PDE11A: variants seen among roughly 807,000 people sequenced by gnomAD.
PDE11A encodes phosphodiesterase 11A.
Under a neutral mutation model 100.5 loss-of-function variants are expected in PDE11A, and 100 were observed. The ratio of observed to expected loss-of-function variants is 1.00; its 90% CI spans 0.85 to 1.18. The LOEUF is 1.18. PDE11A is among the 50% of genes most tolerant of loss of function. The pLI is 0.00. For synonymous variants in PDE11A, 381 were observed against 420.8 expected (o/e 0.91, Z 1.16); for missense variants, 1,141 against 1,152.6 (o/e 0.99, Z 0.15).
rs185253662 is a variant in PDE11A at position 177,815,211 on chromosome 2, T to A, written c.1737+1618A>T. On this transcript the variant is annotated intron_variant, in intron 9 of 19. Transcript: ENST00000286063. Reference sequence around the variant, plus strand: ...CCTGTCCTTTGCTATTTCTCCCCAATCCATGGTGATTTCTCAGTAATAAAT... The same window carrying A: ...CCTGTCCTTTGCTATTTCTCCCCAAACCATGGTGATTTCTCAGTAATAAAT... Among the ~76,000 whole-genome samples the A allele has an allele frequency of 2.0e-5, 3 of 152,292 alleles. No individual in the cohort carries two copies. In the East Asian group the frequency reaches 5.8e-4, roughly 29 times the overall value.
chr2:177,902,675 G>A (rs1399378383), intron 3 of PDE11A, among the ~76,000 whole-genome samples: 4 of 152,094 alleles, frequency 2.6e-5, no homozygotes, highest in African/African-American at 9.7e-5. Flanking sequence ...TTTATATGCT[G>A]CTGGTTCCCA....
chr2:177,831,842 A>G (rs2083313648), intron 6 of PDE11A, among the ~76,000 whole-genome samples: 1 of 152,214 alleles, frequency 6.6e-6, no homozygotes. Flanking sequence ...GGGATTGTAA[A>G]TGTAGTCATC....
At chr2:178,003,659 G>T (rs1453052550) in intron 2 of PDE11A, among the ~76,000 whole-genome samples, 6 of 152,070 alleles carry the variant, frequency 3.9e-5, no homozygotes, top group African/African-American at 1.4e-4. Flanking sequence ...GTGTGGTGAT[G>T]GTTTACACAA....
chr2:177,851,223 C>A (rs1038480871), intron 5 of PDE11A, among the ~76,000 whole-genome samples: 12 of 152,190 alleles, frequency 7.9e-5, no homozygotes, highest in South Asian at 4.2e-4. Context: ...AGGATGAGTT[C>A]ATGTCCTTTG....
chr2:178,027,710 T>A (rs2086495115), intron 1 of PDE11A, among the ~76,000 whole-genome samples: 1 of 152,086 alleles, frequency 6.6e-6, no homozygotes, highest in African/African-American at 2.4e-5. Flanking sequence ...AGGAACTTGG[T>A]GGTATTGCCT....
chr2:177,873,562 C>T (rs1403908976), intron 5 of PDE11A, among the ~76,000 whole-genome samples: 1 of 152,016 alleles, frequency 6.6e-6, no homozygotes, highest in African/African-American at 2.4e-5. Context: ...AAAATTCACC[C>T]TTTTTTAGGT....
At chr2:177,943,557 T>C (rs2085369714) in intron 2 of PDE11A, among the ~76,000 whole-genome samples, 2 of 152,228 alleles carry the variant, frequency 1.3e-5, no homozygotes, top group Admixed American at 6.5e-5. Context: ...CTAAGTCCTT[T>C]GCCCATTTTT....
intron 2 of PDE11A, among the ~76,000 whole-genome samples, chr2:177,960,865 A>T (rs999836224): frequency 1.3e-5 from 2 of 152,136 alleles, no homozygotes; most frequent in Admixed American, 1.3e-4. Flanking sequence ...GGATCCATAC[A>T]TATCCTAATG....
In PDE11A at chr2:177,941,905, G is replaced by A. The variant is rs549864220; in HGVS notation, c.1072-36718C>T. Among the ~76,000 whole-genome samples the A allele has an allele frequency of 7.2e-5, 11 of 152,278 alleles. No individual in the cohort carries two copies. In the East Asian group the frequency reaches 2.1e-3, roughly 29 times the overall value. ...GGCATATGATTTACAGGCTCAGGCA[G>A]CATAAATGGACCTTAAATATCATCT... On this transcript the variant is annotated intron_variant, in intron 2 of 19. Coordinates refer to ENST00000286063, the MANE Select transcript of PDE11A (RefSeq NM_016953.4).
intron 10 of PDE11A, among the ~76,000 whole-genome samples, chr2:177,737,240 C>A (rs2081799173): frequency 6.7e-6 from 1 of 148,828 alleles, no homozygotes; most frequent in Non-Finnish European, 1.5e-5. Flanking sequence ...AACTCTGCCT[C>A]AAAATAAAAT....
intron 2 of PDE11A, among the ~76,000 whole-genome samples, chr2:177,985,352 T>C (rs1193354803): frequency 1.3e-5 from 2 of 152,202 alleles, no homozygotes. Flanking sequence ...AATTTTAATA[T>C]TACTATACCT....
rs2087133095 is a variant in PDE11A, at chr2:178,071,673, G to A, written c.765C>T (p.Ser255=). The change falls in exon 1 of 20, where the codon TCC becomes TCT. Residue 255 remains serine (S), a synonymous_variant. Coordinates refer to ENST00000286063, the MANE Select transcript of PDE11A (RefSeq NM_016953.4). The part of the protein sequence containing the change: ...GAAAGKKTLV[S]KFFDVHAGTP... ...TTCCTGCATGCACATCAAAGAATTT[G>A]GAGACCAAGGTCTTCTTGCCAGCAG... 5 of 1,613,430 alleles carry A rather than the reference G, an allele frequency of 3.1e-6. No individual in the cohort carries two copies. Among genetic ancestry groups the A allele is most frequent in the African/African-American group, 1.3e-5 (1 of 74,926 alleles).
rs2079869838 is a variant in PDE11A at position 177,628,530 on chromosome 2, AC to A, written c.*876del. On this transcript the variant is annotated 3_prime_UTR_variant, in exon 20 of 20. Coordinates refer to ENST00000286063, the MANE Select transcript of PDE11A (RefSeq NM_016953.4). ...TACTGGTAGTAATCTTAAATTTTAT[AC>A]CAGAACTCCTCACTAGGAGAACTCA... 6.6e-6 allele frequency: 1 copy of A among 152,392 alleles called. No homozygotes were observed. Among genetic ancestry groups the A allele is most frequent in the East Asian group, 1.9e-4 (1 of 5,202 alleles). 9.4% of individuals were successfully genotyped at this position (152,392 alleles called of 1,614,324 possible). A position where few individuals can be genotyped will look rare whatever the true frequency, so the allele number is the denominator to read the frequency against.
chr2:177,820,695 T>C (rs757623142), intron 6 of PDE11A, among the ~76,000 whole-genome samples: 4 of 151,982 alleles, frequency 2.6e-5, no homozygotes, highest in Non-Finnish European at 5.9e-5. Flanking sequence ...GGTGCACTTG[T>C]TAGTAAAACA....
intron 6 of PDE11A, among the ~76,000 whole-genome samples, chr2:177,834,382 G>A (rs372861739): frequency 1.6e-4 from 25 of 152,226 alleles, no homozygotes; most frequent in Middle Eastern, 3.4e-3. Context: ...TGGAAATGTC[G>A]GCCTCAGTCA....
chr2:177,839,711 T>C (rs2083458617), intron 6 of PDE11A, among the ~76,000 whole-genome samples: 1 of 152,222 alleles, frequency 6.6e-6, no homozygotes, highest in South Asian at 2.1e-4. Context: ...TTAATGAATG[T>C]GTATATTCAA....
intron 1 of PDE11A, among the ~76,000 whole-genome samples, chr2:178,053,102 G>A (rs544078291): frequency 2.0e-5 from 3 of 152,302 alleles, no homozygotes; most frequent in Admixed American, 1.3e-4. Flanking sequence ...GAACATCGAT[G>A]TAAAAATCCT....
At chr2:177,737,729 C>G (rs1343627168) in intron 10 of PDE11A, among the ~76,000 whole-genome samples, 1 of 152,176 alleles carries the variant, frequency 6.6e-6, no homozygotes, top group Non-Finnish European at 1.5e-5. Context: ...CAGCTTAAAA[C>G]TTCCTGAGAG....
At chr2:177,775,103 A>G (rs1452980103) in intron 9 of PDE11A, among the ~76,000 whole-genome samples, 1 of 152,220 alleles carries the variant, frequency 6.6e-6, no homozygotes, top group African/African-American at 2.4e-5. Flanking sequence ...GGAAAAGGCA[A>G]GGAAATGGAT....
Sources: allele counts gnomAD v4.1 joint callset (sites outside exome capture counted in the v4.1 genomes callset), GRCh38; gene constraint gnomAD v4.1.1; transcripts MANE v1.5; gene names NCBI Gene and HGNC (gene_info 2026-07-23, HGNC 2026-07-21).